The following MEF2D variants were observed in gnomAD, a reference collection of about 807,000 sequenced individuals.
The protein encoded by MEF2D is myocyte-specific enhancer factor 2D.
Under a neutral mutation model 59.3 loss-of-function variants are expected in MEF2D, and 10 were observed. The observed-to-expected ratio is 0.17, with a 90% CI of 0.10 to 0.29. MEF2D has a LOEUF of 0.29. Among genes scored for constraint, MEF2D ranks in the 10% least tolerant of loss-of-function variants. MEF2D has a pLI of 1.00. For missense variants in MEF2D, 508 were observed against 699.4 expected (o/e 0.73, Z 3.09); for synonymous variants, 305 against 295.0 (o/e 1.03, Z -0.35).
chr1:156,470,640 G>T (rs1456521361), intron 9 of MEF2D, among the ~76,000 whole-genome samples: 1 of 152,124 alleles, frequency 6.6e-6, no homozygotes, highest in Non-Finnish European at 1.5e-5. Context: ...TGAGCTATGA[G>T]GTCAAACTTC....
At position 156,483,304 on chromosome 1, in the gene MEF2D, G is replaced by T. The variant is rs28730744; in HGVS notation, c.-12C>A. ...TTTTTCCTCCCCATCTTCTCCGGGG[G>T]TCCTCAGTGCTACGGAGGGGAGGGG... is the stretch of plus-strand genomic sequence containing the variant. On this transcript the variant is annotated 5_prime_UTR_variant, in exon 2 of 12. Transcript: ENST00000348159. The T allele has an allele frequency of 0.024, 39,012 of 1,613,922 alleles. 591 individuals carry two copies. The highest frequency in any genetic ancestry group is 0.029 in the Non-Finnish European group (34,639 of 1,179,836).
intron 1 of MEF2D, among the ~76,000 whole-genome samples, chr1:156,488,135 GA>G (rs1404178998): frequency 6.6e-6 from 1 of 152,246 alleles, no homozygotes; most frequent in Non-Finnish European, 1.5e-5. Context: ...TGACTCCGTG[GA>G]CAGGACAAGG....
intron 9 of MEF2D, among the ~76,000 whole-genome samples, chr1:156,471,615 C>A (rs1671238777): frequency 6.6e-6 from 1 of 152,234 alleles, no homozygotes; most frequent in Non-Finnish European, 1.5e-5. Flanking sequence ...TGGCCCAAGG[C>A]CACCTGGCAG....
At chr1:156,474,386 T>C (rs1277056105) in intron 9 of MEF2D, among the ~76,000 whole-genome samples, 1 of 149,862 alleles carries the variant, frequency 6.7e-6, no homozygotes, top group Non-Finnish European at 1.5e-5. Flanking sequence ...GAAGAAGAGG[T>C]TGCAGTGAGC....
chr1:156,490,170 G>A (rs1672692789), intron 1 of MEF2D, among the ~76,000 whole-genome samples: 1 of 152,014 alleles, frequency 6.6e-6, no homozygotes, highest in Admixed American at 6.6e-5. Context: ...CCCACACACA[G>A]CCCAATTCTC....
chr1:156,479,374 C>T (rs746510766), intron 5 of MEF2D, 28 bp from the exon 6 acceptor site: 2 of 1,607,618 alleles, frequency 1.2e-6, no homozygotes, highest in East Asian at 2.2e-5. Flanking sequence ...CCAGGATGAG[C>T]TGACAACACT....
At chr1:156,470,667 AG>A (rs1249939113) in intron 9 of MEF2D, among the ~76,000 whole-genome samples, 1 of 152,212 alleles carries the variant, frequency 6.6e-6, no homozygotes, top group Non-Finnish European at 1.5e-5. Flanking sequence ...ACCTCCACTT[AG>A]GCCATGTGAC....
intron 1 of MEF2D, among the ~76,000 whole-genome samples, chr1:156,493,253 T>G (rs1256554429): frequency 6.6e-6 from 1 of 152,060 alleles, no homozygotes; most frequent in Non-Finnish European, 1.5e-5. Context: ...GTGGAAAACA[T>G]GAAGGGTTCA....
intron 8 of MEF2D, 95 bp from the exon 9 acceptor site, chr1:156,475,332 C>A: frequency 6.9e-7 from 1 of 1,444,292 alleles, no homozygotes; most frequent in East Asian, 2.5e-5. Context: ...TCCTGAATCC[C>A]AAAGCCAAGG....
chr1:156,491,878 G>A (rs1672822354), intron 1 of MEF2D, among the ~76,000 whole-genome samples: 2 of 152,234 alleles, frequency 1.3e-5, no homozygotes, highest in African/African-American at 4.8e-5. Flanking sequence ...AGGATCCGTA[G>A]GCACTTGCGG....
intron 1 of MEF2D, among the ~76,000 whole-genome samples, chr1:156,497,519 G>T (rs1181220427): frequency 6.6e-6 from 1 of 152,154 alleles, no homozygotes; most frequent in Non-Finnish European, 1.5e-5. Flanking sequence ...CCCACTTATA[G>T]AACCTGATGA....
chr1:156,484,139 T>C (rs1162267657), intron 1 of MEF2D: 1 of 152,188 alleles, frequency 6.6e-6, no homozygotes, highest in African/African-American at 2.4e-5. Flanking sequence ...GAAGAAAGAG[T>C]AGAACAAGGA....
At chr1:156,467,965 G>T in intron 11 of MEF2D, 28 bp downstream of exon 11, 1 of 1,591,638 alleles carries the variant, frequency 6.3e-7, no homozygotes. Context: ...GCAGACACTG[G>T]CAGACAGGAG....
At chr1:156,467,846 G>T in intron 11 of MEF2D, 147 bp downstream of exon 11, 1 of 1,123,924 alleles carries the variant, frequency 8.9e-7, no homozygotes, top group Non-Finnish European at 1.3e-6. Context: ...GGGGTGAAGG[G>T]GTGTTGGTGC....
chr1:156,496,997 G>A (rs1342723310), intron 1 of MEF2D, among the ~76,000 whole-genome samples: 1 of 152,184 alleles, frequency 6.6e-6, no homozygotes. Context: ...TTTCGGGAGA[G>A]CCACTGGAAA....
At chr1:156,491,987 G>A (rs1475161976) in intron 1 of MEF2D, among the ~76,000 whole-genome samples, 1 of 152,188 alleles carries the variant, frequency 6.6e-6, no homozygotes, top group Non-Finnish European at 1.5e-5. Context: ...ATACAGTATA[G>A]AGCTCTCAGT....
intron 1 of MEF2D, among the ~76,000 whole-genome samples, chr1:156,500,018 C>T (rs923748222): frequency 6.6e-6 from 1 of 152,128 alleles, no homozygotes; most frequent in Non-Finnish European, 1.5e-5. Context: ...CTCCCAGGCC[C>T]CCTTCTGCAC....
chr1:156,476,378 A>G, intron 8 of MEF2D, 116 bp downstream of exon 8: 2 of 1,248,546 alleles, frequency 1.6e-6, no homozygotes. Flanking sequence ...GCAAAGAAAC[A>G]GCAACAGTTC....
intron 8 of MEF2D, 32 bp from the exon 9 acceptor site, chr1:156,475,269 C>A: frequency 1.3e-6 from 2 of 1,557,752 alleles, no homozygotes; most frequent in Non-Finnish European, 1.7e-6. Flanking sequence ...CAGGAGGTGG[C>A]TGACAGGTGG....
Sources: allele counts gnomAD v4.1 joint callset (sites outside exome capture counted in the v4.1 genomes callset), GRCh38; gene constraint gnomAD v4.1.1; transcripts MANE v1.5; gene names NCBI Gene and HGNC (gene_info 2026-07-23, HGNC 2026-07-21).